EPB41L2: variants seen among roughly 807,000 people sequenced by gnomAD.
The protein encoded by EPB41L2 is band 4.1-like protein 2.
A neutral mutation model predicts 113.0 loss-of-function variants in EPB41L2; 43 were observed. The observed-to-expected ratio is 0.38, with a 90% CI of 0.30 to 0.49. The LOEUF (loss-of-function observed/expected upper bound fraction) is 0.49, where lower values mean the gene tolerates loss of function less well. EPB41L2 is among the 20% of genes least tolerant of loss of function. The probability of loss-of-function intolerance (pLI) is 0.95; values close to 1 mark genes in which losing one functional copy is unlikely to be tolerated. For missense variants in EPB41L2, 1,147 were observed against 1,223.4 expected (o/e 0.94, Z 0.93); for synonymous variants, 442 against 436.7 (o/e 1.01, Z -0.15).
chr6:130,845,581 A>G (rs976576442), intron 19 of EPB41L2, among the ~76,000 whole-genome samples: 1 of 152,052 alleles, frequency 6.6e-6, no homozygotes, highest in African/African-American at 2.4e-5. Context: ...AGCTCTTGCT[A>G]TACTGCCCAG....
chr6:131,032,215 C>T (rs1792305627), intron 1 of EPB41L2, among the ~76,000 whole-genome samples: 1 of 151,854 alleles, frequency 6.6e-6, no homozygotes, highest in Non-Finnish European at 1.5e-5. Flanking sequence ...TGAAGAGGGA[C>T]TGGTATAGTG....
At chr6:130,958,468 C>CAA (rs200548809) in intron 1 of EPB41L2, among the ~76,000 whole-genome samples, 4,418 of 113,316 alleles carry the variant, frequency 0.039, 121 homozygotes, top group African/African-American at 0.088. Context: ...ACAACAACAA[C>CAA]AAAAAAAAAA....
intron 4 of EPB41L2, among the ~76,000 whole-genome samples, chr6:130,924,857 C>G (rs190253331): frequency 6.6e-6 from 1 of 151,998 alleles, no homozygotes; most frequent in African/African-American, 2.4e-5. Context: ...ATAACACACA[C>G]GTAATAAATA....
chr6:130,849,702 T>A (rs1778201200), intron 19 of EPB41L2, among the ~76,000 whole-genome samples: 1 of 152,212 alleles, frequency 6.6e-6, no homozygotes, highest in Non-Finnish European at 1.5e-5. Flanking sequence ...GTGTGTAGCA[T>A]ATGTATGCAT....
chr6:131,016,430 T>C lies in EPB41L2; in HGVS notation c.-15+46725A>G, dbSNP rs1360689070. Among the ~76,000 whole-genome samples, 3 of 151,664 alleles carry C rather than the reference T, an allele frequency of 2.0e-5. No individual in the cohort carries two copies. In the East Asian group the frequency reaches 5.8e-4, roughly 29 times the overall value. ...GTTCAGGTATTCGCTTCTGGAAAGC[T>C]CTTCCTGAAATCATCCTGCAAATAT... On this transcript the variant is annotated intron_variant, in intron 1 of 19. Coordinates refer to ENST00000337057, the MANE Select transcript of EPB41L2 (RefSeq NM_001431.4).
chr6:130,973,845 C>T (rs1452428770), intron 1 of EPB41L2, among the ~76,000 whole-genome samples: 2 of 152,182 alleles, frequency 1.3e-5, no homozygotes, highest in African/African-American at 2.4e-5. Flanking sequence ...GTGCTCTGAC[C>T]ACCATGGGCA....
chr6:130,935,885 A>G (rs1808619134), intron 3 of EPB41L2, among the ~76,000 whole-genome samples: 1 of 152,172 alleles, frequency 6.6e-6, no homozygotes, highest in African/African-American at 2.4e-5. Flanking sequence ...TCACATTTAC[A>G]TTCTAGCTCC....
At chr6:130,968,125 C>T (rs1045047028) in intron 1 of EPB41L2, among the ~76,000 whole-genome samples, 1 of 149,772 alleles carries the variant, frequency 6.7e-6, no homozygotes, top group African/African-American at 2.6e-5. Context: ...CAGTCTAATA[C>T]TATTTCTGTG....
intron 1 of EPB41L2, among the ~76,000 whole-genome samples, chr6:130,976,622 A>C (rs994274519): frequency 2.0e-5 from 3 of 152,170 alleles, no homozygotes; most frequent in Admixed American, 2.0e-4. Context: ...GTGGCTGAGA[A>C]TCTCTAATCA....
At chr6:131,011,547 T>C (rs1036355450) in intron 1 of EPB41L2, among the ~76,000 whole-genome samples, 2 of 152,254 alleles carry the variant, frequency 1.3e-5, no homozygotes, top group Non-Finnish European at 2.9e-5. Context: ...TCTATAGACA[T>C]GTACTTCAAA....
chr6:131,015,228 G>A (rs1338271192), intron 1 of EPB41L2: 2 of 152,178 alleles, frequency 1.3e-5, no homozygotes, highest in Admixed American at 1.3e-4. Flanking sequence ...TACTACTTAT[G>A]AGAAAGCATC....
At chr6:130,915,024 C>T (rs190801366) in intron 4 of EPB41L2, among the ~76,000 whole-genome samples, 1 of 152,322 alleles carries the variant, frequency 6.6e-6, no homozygotes, top group Non-Finnish European at 1.5e-5. Context: ...AAATCACCGG[C>T]CGGGCGCGGT....
At chr6:130,854,586 G>T (rs1315701344) in intron 19 of EPB41L2, among the ~76,000 whole-genome samples, 1 of 152,112 alleles carries the variant, frequency 6.6e-6, no homozygotes, top group Non-Finnish European at 1.5e-5. Flanking sequence ...GGAGCTACTG[G>T]TAACGCTTAG....
intron 1 of EPB41L2, among the ~76,000 whole-genome samples, chr6:131,054,446 C>T (rs971654457): frequency 2.0e-5 from 3 of 152,180 alleles, no homozygotes. Context: ...CCCTGTCTGT[C>T]TCTACGGTCC....
In EPB41L2 at chr6:130,863,775, A is replaced by G. The variant is rs370770070; in HGVS notation, c.2830-57T>C. 1.1e-5 allele frequency: 13 copies of G among 1,209,050 alleles called. No homozygotes were observed. In the African/African-American group the frequency reaches 1.8e-4, roughly 17 times the overall value. The allele number at this position is 1,209,050 out of a possible 1,614,324, so 74.9% of individuals were successfully genotyped here. A position where few individuals can be genotyped will look rare whatever the true frequency, so the allele number is the denominator to read the frequency against. ...AGCAATCACTGAAGCACGTTTACAC[A>G]GTCAGAGCAAACAGAGATGGGAGTC... is the stretch of plus-strand genomic sequence containing the variant. On this transcript the variant is annotated intron_variant, in intron 17 of 19. Transcript: ENST00000337057.
chr6:130,908,561 C>T (rs994324587), intron 5 of EPB41L2, among the ~76,000 whole-genome samples: 1 of 151,894 alleles, frequency 6.6e-6, no homozygotes, highest in Non-Finnish European at 1.5e-5. Context: ...TCTTTCTTTC[C>T]CAGAAAAAAA....
chr6:130,897,027 T>C (rs1252676543), intron 8 of EPB41L2, among the ~76,000 whole-genome samples: 4 of 152,090 alleles, frequency 2.6e-5, no homozygotes, highest in African/African-American at 9.7e-5. Flanking sequence ...TATCTCTCCT[T>C]GGGAGTTTTG....
intron 3 of EPB41L2, among the ~76,000 whole-genome samples, chr6:130,937,902 C>T (rs9483194): frequency 0.12 from 18,585 of 151,780 alleles, 1,455 homozygotes; most frequent in African/African-American, 0.2. Context: ...TTTGAGTCTA[C>T]CTTTGTGAAA....
At chr6:130,943,057 A>G (rs1811447576) in intron 3 of EPB41L2, among the ~76,000 whole-genome samples, 1 of 152,194 alleles carries the variant, frequency 6.6e-6, no homozygotes, top group Non-Finnish European at 1.5e-5. Flanking sequence ...CAATAAACAT[A>G]CATGTGCATG....
Sources: allele counts gnomAD v4.1 joint callset (sites outside exome capture counted in the v4.1 genomes callset), GRCh38; gene constraint gnomAD v4.1.1; transcripts MANE v1.5; gene names NCBI Gene and HGNC (gene_info 2026-07-23, HGNC 2026-07-21).